The following TANC1 variants were observed in gnomAD, a reference collection of about 807,000 sequenced individuals.
TANC1 encodes protein TANC1.
In TANC1, 77 loss-of-function variants were observed where a neutral mutation model predicts 149.7. That is an observed-to-expected ratio of 0.51 (90% CI 0.43 to 0.62). The LOEUF (loss-of-function observed/expected upper bound fraction) is 0.62. Among genes scored for constraint, TANC1 ranks in the 20% least tolerant of loss-of-function variants. The pLI, the probability that TANC1 is intolerant of heterozygous loss-of-function variation, is 0.00. For missense variants in TANC1, 1,985 were observed against 2,321.8 expected (o/e 0.85, Z 2.98); for synonymous variants, 854 against 925.0 (o/e 0.92, Z 1.39).
rs115980567 is a variant in TANC1 at position 158,997,500 on chromosome 2, T to G, written c.-125-3580T>G. On this transcript the variant is annotated intron_variant, in intron 1 of 26. Coordinates refer to ENST00000263635, the MANE Select transcript of TANC1 (RefSeq NM_033394.3). ...TAGAAACAATAACACCCCAGTATCTTGGTTCCTAAATTCCATTCTCTAATC... is the reference window on the plus strand; with the variant it reads ...TAGAAACAATAACACCCCAGTATCTGGGTTCCTAAATTCCATTCTCTAATC... Among the ~76,000 whole-genome samples the G allele has an allele frequency of 7.3e-3, 1,109 of 152,306 alleles. 6 individuals are homozygous for G. The highest frequency in any genetic ancestry group is 0.025 in the African/African-American group (1,038 of 41,558).
chr2:159,041,107 A>C (rs1249755020), intron 2 of TANC1, among the ~76,000 whole-genome samples: 1 of 152,082 alleles, frequency 6.6e-6, no homozygotes, highest in African/African-American at 2.4e-5. Flanking sequence ...CAGAACAGCA[A>C]ATATTGCAGA....
At chr2:158,999,520 T>C (rs1420072923) in intron 1 of TANC1, among the ~76,000 whole-genome samples, 2 of 152,234 alleles carry the variant, frequency 1.3e-5, no homozygotes, top group Non-Finnish European at 2.9e-5. Context: ...GACAACTGCA[T>C]TGATCCCTAC....
chr2:159,187,114 G>C, intron 16 of TANC1, 90 bp downstream of exon 16: 1 of 1,498,686 alleles, frequency 6.7e-7, no homozygotes, highest in East Asian at 2.4e-5. Context: ...TCTGCCCTGG[G>C]TGGTGGTGAG....
At chr2:159,217,839 G>A (rs1253252273) in intron 20 of TANC1, among the ~76,000 whole-genome samples, 1 of 152,200 alleles carries the variant, frequency 6.6e-6, no homozygotes, top group Non-Finnish European at 1.5e-5. Context: ...GGCTGCTCAA[G>A]GCTGAGCTAT....
chr2:159,197,405 C>T (rs902251815), intron 18 of TANC1, among the ~76,000 whole-genome samples: 22 of 152,258 alleles, frequency 1.4e-4, no homozygotes, highest in Middle Eastern at 6.8e-3. Context: ...ATGTTTTGCT[C>T]GCTTCCTCCT....
At chr2:159,143,752 A>G (rs1466638397) in intron 5 of TANC1, among the ~76,000 whole-genome samples, 1 of 152,116 alleles carries the variant, frequency 6.6e-6, no homozygotes, top group Non-Finnish European at 1.5e-5. Context: ...AAGAAGTTAT[A>G]CAAATCCAGC....
intron 1 of TANC1, among the ~76,000 whole-genome samples, chr2:158,971,065 C>T (rs1396722764): frequency 2.0e-5 from 3 of 152,294 alleles, no homozygotes; most frequent in South Asian, 2.1e-4. Flanking sequence ...TCTCTTTAAC[C>T]ACACACGATT....
At chr2:159,036,103 G>A (rs879930686) in intron 2 of TANC1, among the ~76,000 whole-genome samples, 6 of 152,158 alleles carry the variant, frequency 3.9e-5, no homozygotes, top group Non-Finnish European at 8.8e-5. Context: ...TATGAAAGGA[G>A]ACTTGGCTGA....
chr2:159,099,870 C>CT (rs1314812276), intron 4 of TANC1, among the ~76,000 whole-genome samples: 2 of 152,306 alleles, frequency 1.3e-5, no homozygotes, highest in Non-Finnish European at 2.9e-5. Flanking sequence ...TCAATCAACT[C>CT]TTTCCCTAAC....
intron 1 of TANC1, among the ~76,000 whole-genome samples, chr2:158,997,267 A>G (rs568480000): frequency 7.9e-5 from 12 of 152,332 alleles, no homozygotes; most frequent in Non-Finnish European, 1.8e-4. Flanking sequence ...GTGGATGGAG[A>G]GAGCCAAGTT....
intron 19 of TANC1, among the ~76,000 whole-genome samples, chr2:159,200,630 A>C (rs1035055): frequency 0.65 from 98,223 of 152,062 alleles, 33,652 homozygotes; most frequent in Non-Finnish European, 0.79. Context: ...AGAATCTGCC[A>C]ATCAGTTGAT....
In TANC1 at chr2:159,183,682, TTTTG is replaced by T. The variant is rs771142896; in HGVS notation, c.2511-2093_2511-2090del. ...GTGGAAGGGCTTAGGGGGCGGGTGGTTTTGTTTGTTTGTTTGTTTTTTAATAACA... is the reference window on the plus strand; with the variant it reads ...GTGGAAGGGCTTAGGGGGCGGGTGGTTTTGTTTGTTTGTTTTTTAATAACA... On this transcript the variant is annotated intron_variant, in intron 14 of 26. Transcript: ENST00000263635. Among the ~76,000 whole-genome samples, 20 of 151,668 alleles carry T rather than the reference TTTTG, an allele frequency of 1.3e-4. No homozygotes were observed. The East Asian group carries it at 1.9e-3, about 15-fold the overall frequency.
chr2:159,031,722 C>T (rs2039794540), intron 2 of TANC1, among the ~76,000 whole-genome samples: 1 of 152,116 alleles, frequency 6.6e-6, no homozygotes, highest in Non-Finnish European at 1.5e-5. Context: ...TATGAAGTCA[C>T]CCAATAATCC....
chr2:159,004,167 G>C, intron 2 of TANC1: 1 of 1,612,572 alleles, frequency 6.2e-7, no homozygotes. Flanking sequence ...GCTTGGTGCT[G>C]ACAGTTTAAC....
intron 4 of TANC1, among the ~76,000 whole-genome samples, chr2:159,134,061 T>G (rs1411966648): frequency 6.6e-6 from 1 of 152,134 alleles, no homozygotes; most frequent in East Asian, 1.9e-4. Context: ...AGAAGGATGG[T>G]CTATCTGCAT....
chr2:159,038,522 T>G (rs2149514625), intron 2 of TANC1, among the ~76,000 whole-genome samples: 1 of 152,356 alleles, frequency 6.6e-6, no homozygotes, highest in East Asian at 1.9e-4. Flanking sequence ...TTGAGATACA[T>G]CCCATCAATA....
At chr2:159,178,169 TG>T (rs1459364915) in intron 13 of TANC1, among the ~76,000 whole-genome samples, 86 of 152,328 alleles carry the variant, frequency 5.6e-4, no homozygotes, top group African/African-American at 1.8e-3. Flanking sequence ...TGTGCAGTGT[TG>T]GTTGGTGTTT....
intron 3 of TANC1, among the ~76,000 whole-genome samples, chr2:159,088,860 T>C (rs1395840624): frequency 6.6e-6 from 1 of 152,162 alleles, no homozygotes; most frequent in Non-Finnish European, 1.5e-5. Flanking sequence ...CATCTTATAT[T>C]CTATTGATGG....
intron 2 of TANC1, among the ~76,000 whole-genome samples, chr2:159,064,954 A>T (rs956184976): frequency 1.3e-5 from 2 of 151,610 alleles, no homozygotes; most frequent in African/African-American, 4.9e-5. Flanking sequence ...TTGCCTGTTC[A>T]ATAGAGACCT....
Sources: gnomAD v4.1 joint callset for allele counts (sites outside exome capture counted in the v4.1 genomes callset) on GRCh38, gnomAD v4.1.1 for gene constraint, MANE v1.5 for transcripts, NCBI Gene and HGNC (gene_info 2026-07-23, HGNC 2026-07-21) for gene names.